The following ARHGAP21 variants were observed in gnomAD, a reference collection of about 807,000 sequenced individuals.
The protein encoded by ARHGAP21 is Rho GTPase activating protein 21.
A neutral mutation model predicts 164.6 loss-of-function variants in ARHGAP21; 38 were observed. The observed-to-expected ratio is 0.23, with a 90% confidence interval of 0.18 to 0.30. ARHGAP21 has a LOEUF of 0.30. Ranked by LOEUF, ARHGAP21 falls within the 10% of genes least tolerant of loss-of-function variation. The pLI is 1.00. For missense variants in ARHGAP21, 1,822 were observed against 2,370.7 expected, an observed-to-expected ratio of 0.77 and a Z score of 4.81; for synonymous variants, 766 against 857.9, an observed-to-expected ratio of 0.89 and a Z score of 1.87.
chr10:24,712,136 G>C (rs1228061802), intron 2 of ARHGAP21, among the ~76,000 whole-genome samples: 1 of 152,176 alleles, frequency 6.6e-6, no homozygotes, highest in South Asian at 2.1e-4. Flanking sequence ...GGGTGGTCTC[G>C]AACTCCTGAC....
At chr10:24,594,864 A>G (rs1279198488) in intron 21 of ARHGAP21, 86 bp downstream of exon 21, 2 of 1,131,196 alleles carry the variant, frequency 1.8e-6, no homozygotes, top group Admixed American at 2.5e-5. Flanking sequence ...CAAACCTTTT[A>G]TTGACTATTT....
rs148590645 is a variant in ARHGAP21 at position 24,641,557 on chromosome 10, T to C, written c.269-6454A>G. 2.3e-4 allele frequency among the ~76,000 whole-genome samples: 35 copies of C among 152,360 alleles called. No homozygotes were observed. In the East Asian group the frequency reaches 6.4e-3, roughly 28 times the overall value. ...ATTATATCTATTATTAGTAAAAACA[T>C]ACTATCTTTCTACTCAACCTGATCT... On this transcript the variant is annotated intron_variant, in intron 4 of 25. Coordinates refer to ENST00000396432, the MANE Select transcript of ARHGAP21 (RefSeq NM_020824.4).
chr10:24,605,039 T>C (rs913857419), intron 11 of ARHGAP21, among the ~76,000 whole-genome samples: 13 of 152,316 alleles, frequency 8.5e-5, no homozygotes, highest in Admixed American at 8.5e-4. Flanking sequence ...AAGGTGTCAC[T>C]GTTTTCTCCT....
Position 24,633,883 on chromosome 10 carries a change from CTTTTTTTTTT to C in ARHGAP21, c.362-413_362-404del, listed in dbSNP as rs3073324. 1.5e-4 allele frequency among the ~76,000 whole-genome samples: 11 copies of C among 75,496 alleles called. No homozygotes were observed. In the East Asian group the frequency reaches 3.6e-3, roughly 25 times the overall value. 49.5% of individuals were successfully genotyped at this position (75,496 alleles called of 152,430 possible). ...CTCCACGTACCCTGTCTTTTTTTCTCTTTTTTTTTTTTTTTTTTTTTTTTTTTGAGACAGA... is the reference window on the plus strand; with the variant it reads ...CTCCACGTACCCTGTCTTTTTTTCTCTTTTTTTTTTTTTTTTTGAGACAGA... On this transcript the variant is annotated intron_variant, in intron 5 of 25. Transcript: ENST00000396432.
chr10:24,716,485 G>A (rs140649675), intron 2 of ARHGAP21, among the ~76,000 whole-genome samples: 19 of 152,350 alleles, frequency 1.2e-4, no homozygotes, highest in African/African-American at 3.6e-4. Flanking sequence ...GGACTCCCAC[G>A]TTTGTGTACA....
rs753880080 is a variant in ARHGAP21 at position 24,619,517 on chromosome 10, C to G, written c.2378G>C (p.Ser793Thr). The G allele has an allele frequency of 1.9e-6, 3 of 1,613,980 alleles. No individual in the cohort carries two copies. The African/African-American group carries it at 4.0e-5, about 22-fold the overall frequency. ...IKRMEERKAS[S>T]TSPPGDSLAS... ...CAAAGAATCGCCAGGCGGACTGGTACTCGAGGCTTTTCTTTCCTCCATTCT... is the reference window on the plus strand; with the variant it reads ...CAAAGAATCGCCAGGCGGACTGGTAGTCGAGGCTTTTCTTTCCTCCATTCT... The change falls in exon 9 of 26, where the codon AGT (serine) becomes ACT (threonine). Residue 793 changes from serine to threonine, a missense_variant. Transcript: ENST00000396432.
rs144730775 is a variant in ARHGAP21, at chr10:24,652,317, T to A, written c.268+14668A>T. On this transcript the variant is annotated intron_variant, in intron 4 of 25. Transcript: ENST00000396432. ...CATAGGAAAAAAATTCATCTTGACC[T>A]CATATCATATGCAAAAATAATCAAT... Among the ~76,000 whole-genome samples the A allele has an allele frequency of 3.5e-3, 539 of 152,288 alleles. 2 individuals are homozygous for A. The highest frequency in any genetic ancestry group is 6.3e-3 in the Non-Finnish European group (427 of 68,018).
Position 24,601,974 on chromosome 10 carries a change from C to G in ARHGAP21, c.2847+4G>C. ...CACTCAGGGTGGCTTAGAAAACACA[C>G]TACCTTGCCCTTATCGGTGACAAGG... On this transcript the variant is annotated splice_donor_region_variant and intron_variant, in intron 13 of 25. Transcript: ENST00000396432. The G allele has an allele frequency of 6.4e-7, 1 of 1,569,254 alleles. No homozygotes were observed. The highest frequency in any genetic ancestry group is 1.2e-5 in the South Asian group (1 of 82,548).
chr10:24,704,289 CTTT>C (rs201080039), intron 2 of ARHGAP21, among the ~76,000 whole-genome samples: 5 of 125,962 alleles, frequency 4.0e-5, no homozygotes, highest in Non-Finnish European at 3.3e-5. Flanking sequence ...TTTTTCTTTT[CTTT>C]TTTTTTTTTT....
rs549280237 is a variant in ARHGAP21, at chr10:24,612,772, A to G, written c.2423-4869T>C. Among the ~76,000 whole-genome samples the G allele has an allele frequency of 1.1e-4, 16 of 152,198 alleles. No individual in the cohort carries two copies. The South Asian group carries it at 1.5e-3, about 14-fold the overall frequency. Reference sequence around the variant, plus strand: ...CGGGAGGCTGAGGCAGGAGAATGGCATGAACCCGGGAGGCAGAGCTTGCAG... The same window carrying G: ...CGGGAGGCTGAGGCAGGAGAATGGCGTGAACCCGGGAGGCAGAGCTTGCAG... On this transcript the variant is annotated intron_variant, in intron 9 of 25. Coordinates refer to ENST00000396432, the MANE Select transcript of ARHGAP21 (RefSeq NM_020824.4).
At chr10:24,640,630 G>C (rs1405984458) in intron 4 of ARHGAP21, among the ~76,000 whole-genome samples, 2 of 152,000 alleles carry the variant, frequency 1.3e-5, no homozygotes, top group South Asian at 2.1e-4. Context: ...CCAAGCATCA[G>C]CTATTTAAGG....
chr10:24,718,706 A>G (rs565049951), intron 2 of ARHGAP21, among the ~76,000 whole-genome samples: 2 of 152,354 alleles, frequency 1.3e-5, no homozygotes, highest in South Asian at 2.1e-4. Flanking sequence ...CAGTATTTCA[A>G]AATCAACCAA....
Position 24,643,294 on chromosome 10 carries a change from G to A in ARHGAP21, c.269-8191C>T, listed in dbSNP as rs141989598. 1.5e-3 allele frequency among the ~76,000 whole-genome samples: 230 copies of A among 152,276 alleles called. 5 individuals carry two copies. The East Asian group carries it at 0.038, about 25-fold the overall frequency. The stretch of plus-strand genomic sequence containing the variant: ...TTTCACATGTAACATTTCACACACA[G>A]TATTATCATATCTAGATTCATAGCC... On this transcript the variant is annotated intron_variant, in intron 4 of 25. Coordinates refer to ENST00000396432, the MANE Select transcript of ARHGAP21 (RefSeq NM_020824.4).
chr10:24,651,117 G>C (rs886553513), intron 4 of ARHGAP21, among the ~76,000 whole-genome samples: 1 of 152,206 alleles, frequency 6.6e-6, no homozygotes, highest in Non-Finnish European at 1.5e-5. Context: ...CTGTTCCTCT[G>C]CACACCTCCT....
chr10:24,634,152 T>C (rs1836141857), intron 5 of ARHGAP21, among the ~76,000 whole-genome samples: 1 of 151,996 alleles, frequency 6.6e-6, no homozygotes, highest in South Asian at 2.1e-4. Flanking sequence ...ATACGACAGA[T>C]GATACATTCT....
chr10:24,607,074 G>A (rs994962310), intron 11 of ARHGAP21, among the ~76,000 whole-genome samples: 4 of 152,158 alleles, frequency 2.6e-5, no homozygotes, highest in African/African-American at 7.2e-5. Context: ...GAAACAGCAT[G>A]AGCCAGGACT....
At chr10:24,627,712 T>G (rs1835282364) in intron 7 of ARHGAP21, among the ~76,000 whole-genome samples, 1 of 152,228 alleles carries the variant, frequency 6.6e-6, no homozygotes, top group Admixed American at 6.5e-5. Flanking sequence ...CAAGACAGAC[T>G]ATTCTAGAAT....
At position 24,628,996 on chromosome 10, in the gene ARHGAP21, T is replaced by A. The variant is rs1472509171; in HGVS notation, c.495+1000A>T. The A allele has an allele frequency of 2.4e-3, 152 of 64,076 alleles. 3 individuals carry two copies. The highest frequency in any genetic ancestry group is 0.017 in the South Asian group (26 of 1,522). The allele number at this position is 64,076 out of a possible 1,614,324, so 4.0% of individuals were successfully genotyped here. On this transcript the variant is annotated intron_variant, in intron 7 of 25. Coordinates refer to ENST00000396432, the MANE Select transcript of ARHGAP21 (RefSeq NM_020824.4). ...TATATATATATATTTTTTTTTTTTT[T>A]TTTTTTTTTTTTTTTTTGAGATGAA...
intron 9 of ARHGAP21, among the ~76,000 whole-genome samples, chr10:24,616,771 C>T (rs1470945316): frequency 2.6e-5 from 4 of 152,074 alleles, no homozygotes; most frequent in Non-Finnish European, 5.9e-5. Context: ...TGCTATTCAC[C>T]GTGAGATTAC....
Sources: gnomAD v4.1 joint callset for allele counts (sites outside exome capture counted in the v4.1 genomes callset) on GRCh38, gnomAD v4.1.1 for gene constraint, MANE v1.5 for transcripts, NCBI Gene and HGNC (gene_info 2026-07-23, HGNC 2026-07-21) for gene names.